Variants in ITIH5 observed in about 807,000 individuals in gnomAD.
ITIH5 encodes the protein inter-alpha-trypsin inhibitor heavy chain H5.
ITIH5 carries 65 observed loss-of-function variants against 77.5 expected under a neutral mutation model. That is an observed-to-expected ratio of 0.84 (90% CI 0.69 to 1.03). The LOEUF (loss-of-function observed/expected upper bound fraction) is 1.03. ITIH5 is among the 50% of genes least tolerant of loss of function. The probability of loss-of-function intolerance (pLI) is 0.00; values close to 1 mark genes in which losing one functional copy is unlikely to be tolerated. For missense variants in ITIH5, 1,208 were observed against 1,213.1 expected (o/e 1.00, Z 0.06); for synonymous variants, 525 against 494.3 (o/e 1.06, Z -0.82).
At chr10:7,574,398 T>C (rs951757270) in intron 10 of ITIH5, among the ~76,000 whole-genome samples, 1 of 152,136 alleles carries the variant, frequency 6.6e-6, no homozygotes, top group African/African-American at 2.4e-5. Context: ...GATGACTGAT[T>C]TGAGGAGTGG....
At chr10:7,601,344 T>A (rs1009198770) in intron 7 of ITIH5, among the ~76,000 whole-genome samples, 1 of 152,120 alleles carries the variant, frequency 6.6e-6, no homozygotes, top group Non-Finnish European at 1.5e-5. Context: ...GAATGCCAAA[T>A]GCCAAGTGTT....
At chr10:7,564,743 T>C (rs930180741) in intron 13 of ITIH5, among the ~76,000 whole-genome samples, 1 of 151,698 alleles carries the variant, frequency 6.6e-6, no homozygotes, top group African/African-American at 2.4e-5. Context: ...TGAATATATA[T>C]AATATGTACA....
chr10:7,572,498 T>C, intron 11 of ITIH5: 4 of 1,262,120 alleles, frequency 3.2e-6, no homozygotes, highest in Non-Finnish European at 1.0e-6. Context: ...GCTGGAAGGA[T>C]GCATGCTCCG....
chr10:7,597,141 C>T (rs886755983), intron 7 of ITIH5, among the ~76,000 whole-genome samples: 3 of 146,384 alleles, frequency 2.0e-5, no homozygotes, highest in African/African-American at 7.5e-5. Context: ...CAAATGAAAA[C>T]AGCCCTAAGT....
In ITIH5 at chr10:7,616,023, G is replaced by A; in HGVS notation, c.898C>T (p.Leu300Phe). ...PPLPKNVVFV[L>F]DSSASMVGTK... ...CCCACCATAGAAGCACTGCTGTCAA[G>A]CACGAATACCACATTCTTGGGTAAA... Residue 300 changes from leucine (L) to phenylalanine (F), a missense_variant, in exon 7 of 14, where the codon CTT becomes TTT. Coordinates refer to ENST00000397146, the MANE Select transcript of ITIH5 (RefSeq NM_030569.7). The A allele has an allele frequency of 1.2e-6, 2 of 1,613,418 alleles. No individual in the cohort carries two copies. Among genetic ancestry groups the A allele is most frequent in the Non-Finnish European group, 1.7e-6 (2 of 1,179,354 alleles).
chr10:7,622,634 C>T (rs1030391093), intron 5 of ITIH5, among the ~76,000 whole-genome samples: 3 of 151,772 alleles, frequency 2.0e-5, no homozygotes, highest in African/African-American at 7.3e-5. Context: ...AGGACAGACA[C>T]ATAATAAACA....
intron 7 of ITIH5, among the ~76,000 whole-genome samples, chr10:7,589,232 C>A (rs1365962684): frequency 6.6e-6 from 1 of 152,046 alleles, no homozygotes; most frequent in Non-Finnish European, 1.5e-5. Flanking sequence ...CTGAGGCGGG[C>A]AAATCATTTG....
In ITIH5 at chr10:7,666,838, C is replaced by T; in HGVS notation, c.55G>A (p.Glu19Lys). ...LGLSLCVGSQ[E>K]EAQSWGHSSE... is the part of the protein sequence containing the mutation. ...GAGTGGCCCCAGCTCTGCGCCTCTTCCTGCGACCCCACACACAGGGACAGC... is the reference window on the plus strand; with the variant it reads ...GAGTGGCCCCAGCTCTGCGCCTCTTTCTGCGACCCCACACACAGGGACAGC... Residue 19 changes from glutamate (E) to lysine (K), a missense_variant, in exon 1 of 14, where the codon GAA (glutamate) becomes AAA (lysine). By Grantham distance (56) the Glu-to-Lys change is moderately conservative. Transcript: ENST00000397146. 1.1e-5 allele frequency: 17 copies of T among 1,609,446 alleles called. No individual in the cohort carries two copies. Among genetic ancestry groups the T allele is most frequent in the Non-Finnish European group, 1.4e-5 (17 of 1,178,432 alleles).
intron 5 of ITIH5, among the ~76,000 whole-genome samples, chr10:7,629,334 TGTGC>T: frequency 4.6e-5 from 6 of 130,534 alleles, no homozygotes; most frequent in African/African-American, 2.0e-4. Flanking sequence ...TGTTGTAGCG[TGTGC>T]CCATGTTGTA....
At chr10:7,651,191 C>T (rs1284348669) in intron 2 of ITIH5, among the ~76,000 whole-genome samples, 2 of 148,978 alleles carry the variant, frequency 1.3e-5, no homozygotes, top group Non-Finnish European at 3.0e-5. Context: ...CCAGGGCTGG[C>T]TTGTTCCTAG....
intron 7 of ITIH5, among the ~76,000 whole-genome samples, chr10:7,587,240 C>T (rs4747526): frequency 0.28 from 42,983 of 151,946 alleles, 6,372 homozygotes; most frequent in East Asian, 0.49. Flanking sequence ...TCAGCTGTGA[C>T]GAATGGAAAG....
At chr10:7,570,769 C>T (rs879346471) in intron 11 of ITIH5, among the ~76,000 whole-genome samples, 9 of 151,964 alleles carry the variant, frequency 5.9e-5, no homozygotes, top group African/African-American at 1.9e-4. Context: ...ACTACAGGCA[C>T]GTGCCACCAT....
intron 8 of ITIH5, among the ~76,000 whole-genome samples, chr10:7,584,219 G>A (rs1269277160): frequency 6.6e-6 from 1 of 151,512 alleles, no homozygotes; most frequent in East Asian, 1.9e-4. Flanking sequence ...TGCAGTTCAA[G>A]AAAAATAAAG....
At chr10:7,603,967 C>T (rs10795558) in intron 7 of ITIH5, among the ~76,000 whole-genome samples, 146,647 of 152,224 alleles carry the variant, frequency 0.96, 70,793 homozygotes, top group Non-Finnish European at 1. Flanking sequence ...GCTGTTGTGT[C>T]GTGAGCGTCT....
chr10:7,597,627 T>A (rs1258028384), intron 7 of ITIH5, among the ~76,000 whole-genome samples: 1 of 65,676 alleles, frequency 1.5e-5, no homozygotes, highest in African/African-American at 4.1e-5. Flanking sequence ...TCACCCCCTC[T>A]GTACCCCAGA....
At chr10:7,647,878 A>G (rs940773895) in intron 2 of ITIH5, among the ~76,000 whole-genome samples, 2 of 152,142 alleles carry the variant, frequency 1.3e-5, no homozygotes, top group African/African-American at 2.4e-5. Flanking sequence ...ACTTTGCCAG[A>G]TCACACAGGT....
rs141349334 is a variant in ITIH5 at position 7,592,320 on chromosome 10, C to G, written c.940-6251G>C. On this transcript the variant is annotated intron_variant, in intron 7 of 13. Transcript: ENST00000397146. ...ACACTGGACAGGGAGTTCCTCAAAA[C>G]AGCCATCCCCTTGCCCTGCCCCACC... is the stretch of plus-strand genomic sequence containing the variant. Among the ~76,000 whole-genome samples, 269 of 152,274 alleles carry G rather than the reference C, an allele frequency of 1.8e-3. 1 individual carries two copies. Among genetic ancestry groups the G allele is most frequent in the African/African-American group, 6.3e-3 (260 of 41,546 alleles).
At position 7,559,679 on chromosome 10, in the gene ITIH5, A is replaced by T. The variant is rs1214534346; in HGVS notation, c.*3404T>A. ...AGAATACCACAGACTTGAGTAGCTT[A>T]AACAAAACACATTTATTTCTCACAG... On this transcript the variant is annotated 3_prime_UTR_variant, in exon 14 of 14. Coordinates refer to ENST00000397146, the MANE Select transcript of ITIH5 (RefSeq NM_030569.7). 2 of 368,824 alleles carry T rather than the reference A, an allele frequency of 5.4e-6. No homozygotes were observed. Among genetic ancestry groups the T allele is most frequent in the African/African-American group, 2.2e-5 (1 of 46,312 alleles). 22.8% of individuals were successfully genotyped at this position (368,824 alleles called of 1,614,324 possible). A position where few individuals can be genotyped will look rare whatever the true frequency, so the allele number is the denominator to read the frequency against.
At chr10:7,572,538 A>C in intron 11 of ITIH5, 1 of 1,171,626 alleles carries the variant, frequency 8.5e-7, no homozygotes, top group Non-Finnish European at 1.1e-6. Flanking sequence ...TTCTAAACTC[A>C]ATGAGGGTCA....
Sources: gnomAD v4.1 joint callset for allele counts (sites outside exome capture counted in the v4.1 genomes callset) on GRCh38, gnomAD v4.1.1 for gene constraint, MANE v1.5 for transcripts, NCBI Gene and HGNC (gene_info 2026-07-23, HGNC 2026-07-21) for gene names.